The following WBP1L variants were observed in gnomAD, a reference collection of about 807,000 sequenced individuals.
WBP1L encodes the protein WW domain binding protein 1-like.
In WBP1L, 17 loss-of-function variants were observed where a neutral mutation model predicts 33.7. The ratio of observed to expected loss-of-function variants is 0.50; its 90% CI spans 0.34 to 0.76. WBP1L has a LOEUF of 0.76. Among genes scored for constraint, WBP1L ranks in the 30% least tolerant of loss-of-function variants. WBP1L has a pLI of 0.01. For synonymous variants in WBP1L, 173 were observed against 190.8 expected, an observed-to-expected ratio of 0.91 and a Z score of 0.77; for missense variants, 389 against 469.4, an observed-to-expected ratio of 0.83 and a Z score of 1.58.
intron 1 of WBP1L, among the ~76,000 whole-genome samples, chr10:102,785,314 A>G (rs1843399792): frequency 6.6e-6 from 1 of 150,986 alleles, no homozygotes; most frequent in South Asian, 2.1e-4. Flanking sequence ...CAGCCTCCCG[A>G]GATGTTGGGA....
intron 2 of WBP1L, among the ~76,000 whole-genome samples, chr10:102,805,765 G>A (rs912045343): frequency 4.0e-5 from 6 of 151,616 alleles, no homozygotes; most frequent in African/African-American, 1.5e-4. Context: ...GGGTGTGGTG[G>A]TGCATGCCCG....
chr10:102,805,136 A>C (rs1334915973), intron 2 of WBP1L, among the ~76,000 whole-genome samples: 1 of 151,932 alleles, frequency 6.6e-6, no homozygotes, highest in African/African-American at 2.4e-5. Flanking sequence ...AAAAATTTAA[A>C]AATTAGCCAG....
chr10:102,791,902 G>T lies in WBP1L; in HGVS notation c.91-6091G>T, dbSNP rs12416219. On this transcript the variant is annotated intron_variant, in intron 1 of 3. Transcript: ENST00000448841. Reference sequence around the variant, plus strand: ...GCCTGGGGAAACATTACTGCCCAGTGTGTCTTTTTATGCTGGCACTTAGAA... The same window carrying T: ...GCCTGGGGAAACATTACTGCCCAGTTTGTCTTTTTATGCTGGCACTTAGAA... Among the ~76,000 whole-genome samples the T allele has an allele frequency of 2.0e-3, 300 of 152,332 alleles. 10 individuals are homozygous for T. The highest frequency in any genetic ancestry group is 0.014 in the Admixed American group (218 of 15,304).
intron 1 of WBP1L, among the ~76,000 whole-genome samples, chr10:102,766,662 G>C (rs1362544841): frequency 6.7e-6 from 1 of 150,168 alleles, no homozygotes; most frequent in Admixed American, 6.7e-5. Context: ...GTGAAACCAT[G>C]TCTCTATTGA....
intron 1 of WBP1L, chr10:102,776,165 A>G: frequency 7.0e-7 from 1 of 1,423,808 alleles, no homozygotes; most frequent in African/African-American, 1.4e-5. Flanking sequence ...ATATGTCACG[A>G]GAAGGTGGGG....
chr10:102,767,703 C>T (rs746244697), intron 1 of WBP1L, among the ~76,000 whole-genome samples: 3 of 152,152 alleles, frequency 2.0e-5, no homozygotes, highest in Non-Finnish European at 4.4e-5. Flanking sequence ...CTCCCCCAAC[C>T]TCTGCAATAA....
chr10:102,766,518 A>T (rs1287853357), intron 1 of WBP1L, among the ~76,000 whole-genome samples: 1 of 147,860 alleles, frequency 6.8e-6, no homozygotes, highest in African/African-American at 2.5e-5. Flanking sequence ...GCTACTTGGG[A>T]GGCTGAGGTG....
intron 1 of WBP1L, among the ~76,000 whole-genome samples, chr10:102,784,426 T>C (rs986066435): frequency 8.4e-5 from 12 of 143,630 alleles, no homozygotes; most frequent in South Asian, 2.3e-4. Flanking sequence ...TGTTTCTTTT[T>C]TTTTTTTTTT....
At chr10:102,810,483 T>TTCCC (rs1843817880) in intron 3 of WBP1L, among the ~76,000 whole-genome samples, 2 of 49,220 alleles carry the variant, frequency 4.1e-5, no homozygotes, top group Non-Finnish European at 9.0e-5. Flanking sequence ...CCCTCCTTCC[T>TTCCC]TCCTTCCCTC....
intron 2 of WBP1L, among the ~76,000 whole-genome samples, chr10:102,804,419 TA>T (rs143565698): frequency 1.4e-5 from 2 of 138,044 alleles, no homozygotes; most frequent in Non-Finnish European, 3.1e-5. Flanking sequence ...CTTTTTTTTT[TA>T]AAAAAAAAAT....
intron 1 of WBP1L, among the ~76,000 whole-genome samples, chr10:102,767,487 G>A (rs10748829): frequency 0.72 from 109,704 of 151,908 alleles, 39,890 homozygotes; most frequent in East Asian, 0.9. Flanking sequence ...GCCCCTGTAA[G>A]TAGCCACTGC....
At chr10:102,786,331 A>G (rs1843414641) in intron 1 of WBP1L, among the ~76,000 whole-genome samples, 1 of 152,202 alleles carries the variant, frequency 6.6e-6, no homozygotes, top group Non-Finnish European at 1.5e-5. Context: ...GATTCTAGAA[A>G]ACGAATATGA....
chr10:102,763,730 A>G (rs868565565), intron 1 of WBP1L, among the ~76,000 whole-genome samples: 1 of 152,228 alleles, frequency 6.6e-6, no homozygotes. Context: ...ATATCCTGTT[A>G]CCAGCTGTAT....
intron 1 of WBP1L, among the ~76,000 whole-genome samples, chr10:102,788,321 A>G (rs529088250): frequency 6.6e-6 from 1 of 151,924 alleles, no homozygotes; most frequent in Admixed American, 6.6e-5. Context: ...AGTGTTAGCC[A>G]GGATGGTCTT....
chr10:102,789,747 CTTT>C (rs759423576), intron 1 of WBP1L, among the ~76,000 whole-genome samples: 8 of 138,204 alleles, frequency 5.8e-5, no homozygotes, highest in African/African-American at 5.3e-5. Flanking sequence ...AATTTTGTAT[CTTT>C]TTTTTTTTTT....
chr10:102,750,442 AT>A (rs1443440471), intron 1 of WBP1L, among the ~76,000 whole-genome samples: 1 of 152,140 alleles, frequency 6.6e-6, no homozygotes, highest in Non-Finnish European at 1.5e-5. Context: ...TGCCAAAAAA[AT>A]TCACCCTTTT....
chr10:102,763,875 G>A (rs941762413), intron 1 of WBP1L, among the ~76,000 whole-genome samples: 8 of 152,062 alleles, frequency 5.3e-5, no homozygotes, highest in Admixed American at 1.3e-4. Context: ...GTGCAGTGGC[G>A]CGATCTCGAC....
At chr10:102,800,712 G>A (rs1254288964) in intron 2 of WBP1L, among the ~76,000 whole-genome samples, 1 of 152,198 alleles carries the variant, frequency 6.6e-6, no homozygotes, top group East Asian at 1.9e-4. Flanking sequence ...CTTCTGCCTG[G>A]TGTGTATGGG....
chr10:102,792,111 T>G (rs1843508333), intron 1 of WBP1L, among the ~76,000 whole-genome samples: 1 of 152,242 alleles, frequency 6.6e-6, no homozygotes, highest in Non-Finnish European at 1.5e-5. Flanking sequence ...TAAAAATGTT[T>G]TTTCCAGTTT....
Sources: allele counts gnomAD v4.1 joint callset (sites outside exome capture counted in the v4.1 genomes callset), GRCh38; gene constraint gnomAD v4.1.1; transcripts MANE v1.5; gene names NCBI Gene and HGNC (gene_info 2026-07-23, HGNC 2026-07-21).